RBIS: variants seen among roughly 807,000 people sequenced by gnomAD.
RBIS encodes ribosome biogenesis factor identified in screen.
In RBIS, 9 loss-of-function variants were observed where a neutral mutation model predicts 9.8. That is an observed-to-expected ratio of 0.92 (90% CI 0.56 to 1.61). The LOEUF is 1.61. Ranked by LOEUF, RBIS falls within the 40% of genes most tolerant of loss-of-function variation. The probability of loss-of-function intolerance (pLI) is 0.00; values close to 1 mark genes in which losing one functional copy is unlikely to be tolerated. For missense variants in RBIS, 103 were observed against 116.0 expected, an observed-to-expected ratio of 0.89 and a Z score of 0.51; for synonymous variants, 35 against 37.9, an observed-to-expected ratio of 0.92 and a Z score of 0.28.
At chr8:85,219,818 A>G (rs867286457) in intron 1 of RBIS, among the ~76,000 whole-genome samples, 1 of 152,302 alleles carries the variant, frequency 6.6e-6, no homozygotes, top group African/African-American at 2.4e-5. Flanking sequence ...ATCAATTGCT[A>G]TATGCCACGT....
Position 85,214,717 on chromosome 8 carries a change from T to C in RBIS, c.232-86A>G, listed in dbSNP as rs1813065883. On this transcript the variant is annotated intron_variant, in intron 3 of 3. Transcript: ENST00000619594. The stretch of plus-strand genomic sequence containing the variant: ...ATAAGCTGTTATTCAATTTAATTTT[T>C]CTAGTCATATCTTTGGAAGTAGAAC... The C allele has an allele frequency of 7.7e-6, 7 of 911,638 alleles. No individual in the cohort carries two copies. In the East Asian group the frequency reaches 1.7e-4, roughly 22 times the overall value. 56.5% of individuals were successfully genotyped at this position (911,638 alleles called of 1,614,324 possible).
Position 85,217,464 on chromosome 8 carries a change from C to G in RBIS, c.36G>C (p.Arg12Ser). 1 of 1,612,184 alleles carries G rather than the reference C, an allele frequency of 6.2e-7. No homozygotes were observed. The highest frequency in any genetic ancestry group is 1.1e-5 in the South Asian group (1 of 90,992). Reference sequence around the variant, plus strand: ...TTTGGCTGGCTATGTGAAATACATTCCTGGACTTCGGCCCTCTTAATTTGT... The same window carrying G: ...TTTGGCTGGCTATGTGAAATACATTGCTGGACTTCGGCCCTCTTAATTTGT... ...AKNKLRGPKSRNVFHIASQKN... is the reference protein window; with the variant it reads ...AKNKLRGPKSSNVFHIASQKN... Residue 12 changes from arginine to serine, a missense_variant, in exon 2 of 4, where the codon AGG becomes AGC. Transcript: ENST00000619594.
chr8:85,217,766 C>T (rs1235159935), intron 1 of RBIS: 1 of 467,724 alleles, frequency 2.1e-6, no homozygotes, highest in Admixed American at 3.7e-5. Context: ...GTTGAATTCA[C>T]TAATATCATC....
In RBIS at chr8:85,214,073, C is replaced by G. The variant is rs1048192141; in HGVS notation, c.*487G>C. ...TTTAGGGGATAAGTGATTTAATATC[C>G]ACAAACGTCCCCACTCCCAAAAGTA... On this transcript the variant is annotated 3_prime_UTR_variant, in exon 4 of 4. Coordinates refer to ENST00000619594, the MANE Select transcript of RBIS (RefSeq NM_001099673.3). 3 of 590,944 alleles carry G rather than the reference C, an allele frequency of 5.1e-6. No individual in the cohort carries two copies. The highest frequency in any genetic ancestry group is 9.2e-6 in the Non-Finnish European group (3 of 327,810). 36.6% of individuals were successfully genotyped at this position (590,944 alleles called of 1,614,324 possible).
rs553902115 is a variant in RBIS at position 85,216,670 on chromosome 8, C to T, written c.114+716G>A. 10 of 152,362 alleles carry T rather than the reference C, an allele frequency of 6.6e-5. No individual in the cohort carries two copies. The East Asian group carries it at 1.9e-3, about 29-fold the overall frequency. The allele number at this position is 152,362 out of a possible 1,614,324, so 9.4% of individuals were successfully genotyped here. ...TCATCCCCAAAACCCCCATCATCTG[C>T]TTAATTTCATTCTTAGCATTTATAA... On this transcript the variant is annotated intron_variant, in intron 2 of 3. Coordinates refer to ENST00000619594, the MANE Select transcript of RBIS (RefSeq NM_001099673.3).
Position 85,215,048 on chromosome 8 carries a change from G to T in RBIS, c.115-11C>A. 3 of 1,106,178 alleles carry T rather than the reference G, an allele frequency of 2.7e-6. No homozygotes were observed. In the South Asian group the frequency reaches 4.4e-5, roughly 16 times the overall value. The allele number at this position is 1,106,178 out of a possible 1,614,324, so 68.5% of individuals were successfully genotyped here. On this transcript the variant is annotated splice_polypyrimidine_tract_variant and intron_variant, in intron 2 of 3. Coordinates refer to ENST00000619594, the MANE Select transcript of RBIS (RefSeq NM_001099673.3). ...ATTCATAATGTTTATCTTTTAAAAA[G>T]AAAAAAAGCATTAATCTATGATCTC...
In RBIS at chr8:85,215,025, TCATA is replaced by T; in HGVS notation, c.123_126del (p.Asn43ArgfsTer7). On this transcript the variant is annotated frameshift_variant, in exon 3 of 4. Coordinates refer to ENST00000619594, the MANE Select transcript of RBIS (RefSeq NM_001099673.3). LOFTEE classifies it high-confidence loss of function. The stretch of plus-strand genomic sequence containing the variant: ...TTTACTCTGTTAACTTTTTCCTCAT[TCATA>T]ATGTTTATCTTTTAAAAAGAAAAAA... The T allele has an allele frequency of 7.3e-7, 1 of 1,374,782 alleles. No individual in the cohort carries two copies. Among genetic ancestry groups the T allele is most frequent in the South Asian group, 1.3e-5 (1 of 77,092 alleles). The allele number at this position is 1,374,782 out of a possible 1,614,324, so 85.2% of individuals were successfully genotyped here.
At chr8:85,214,880 A>G in intron 3 of RBIS, 41 bp downstream of exon 3, 1 of 1,095,916 alleles carries the variant, frequency 9.1e-7, no homozygotes. Flanking sequence ...TATTAGCCTC[A>G]ATTTGTTAGC....
Position 85,214,991 on chromosome 8 carries a change from A to G in RBIS, c.161T>C (p.Phe54Ser). The part of the protein sequence containing the change: ...EEKVNRVNKA[F>S]VNVQKELAHF... ...TGCAAGTTCCTTTTGTACATTTACAAAAGCTTTATTTACTCTGTTAACTTT... is the reference window on the plus strand; with the variant it reads ...TGCAAGTTCCTTTTGTACATTTACAGAAGCTTTATTTACTCTGTTAACTTT... Residue 54 changes from phenylalanine to serine, a missense_variant, in exon 3 of 4, where the codon TTT becomes TCT. Transcript: ENST00000619594. 6.3e-7 allele frequency: 1 copy of G among 1,581,232 alleles called. No homozygotes were observed. Among genetic ancestry groups the G allele is most frequent in the Non-Finnish European group, 8.6e-7 (1 of 1,158,348 alleles).
intron 2 of RBIS, among the ~76,000 whole-genome samples, chr8:85,216,547 C>A (rs549528788): frequency 1.3e-5 from 2 of 152,328 alleles, no homozygotes; most frequent in African/African-American, 4.8e-5. Context: ...CTCGAACCCA[C>A]CACTCCCAAC....
At chr8:85,219,620 G>A (rs1209319910) in intron 1 of RBIS, among the ~76,000 whole-genome samples, 1 of 151,962 alleles carries the variant, frequency 6.6e-6, no homozygotes, top group East Asian at 1.9e-4. Context: ...GCGTGGTGAC[G>A]CGCGCCTCTA....
intron 3 of RBIS, 120 bp from the exon 4 acceptor site, chr8:85,214,751 T>C: frequency 1.3e-6 from 1 of 795,866 alleles, no homozygotes; most frequent in Non-Finnish European, 2.1e-6. Flanking sequence ...ACAATCTGTA[T>C]ATTCTGACAA....
intron 2 of RBIS, 151 bp downstream of exon 2, chr8:85,217,234 TA>T: frequency 1.5e-6 from 1 of 669,574 alleles, no homozygotes; most frequent in Non-Finnish European, 2.7e-6. Context: ...CCTTTTTTTT[TA>T]TATTTTTTTA....
chr8:85,214,158 A>C lies in RBIS; in HGVS notation c.*402T>G, dbSNP rs1405892274. ...TGAATCCTTCTGTTTTTTCTTCTTA[A>C]GGAGGAAAGTTAAAGGACACTACAG... On this transcript the variant is annotated 3_prime_UTR_variant, in exon 4 of 4. Transcript: ENST00000619594. The C allele has an allele frequency of 1.1e-5, 6 of 537,920 alleles. No individual in the cohort carries two copies. The highest frequency in any genetic ancestry group is 3.1e-5 in the South Asian group (2 of 64,546). 33.3% of individuals were successfully genotyped at this position (537,920 alleles called of 1,614,324 possible). A position where few individuals can be genotyped will look rare whatever the true frequency, so the allele number is the denominator to read the frequency against.
At chr8:85,219,748 TA>T (rs1301120398) in intron 1 of RBIS, among the ~76,000 whole-genome samples, 1 of 151,242 alleles carries the variant, frequency 6.6e-6, no homozygotes, top group Non-Finnish European at 1.5e-5. Flanking sequence ...AATAAATAAA[TA>T]AAAATTAAAA....
At position 85,214,265 on chromosome 8, in the gene RBIS, C is replaced by G. The variant is rs977570772; in HGVS notation, c.*295G>C. 1 of 562,676 alleles carries G rather than the reference C, an allele frequency of 1.8e-6. No individual in the cohort carries two copies. 34.9% of individuals were successfully genotyped at this position (562,676 alleles called of 1,614,324 possible). A position where few individuals can be genotyped will look rare whatever the true frequency, so the allele number is the denominator to read the frequency against. On this transcript the variant is annotated 3_prime_UTR_variant, in exon 4 of 4. Coordinates refer to ENST00000619594, the MANE Select transcript of RBIS (RefSeq NM_001099673.3). The stretch of plus-strand genomic sequence containing the variant: ...CTAAACTGCCTGTATTTCTGTATGT[C>G]CTTCTATCCAAACAGACGTTCACTG...
At chr8:85,216,994 C>T (rs572529103) in intron 2 of RBIS, 25 of 287,028 alleles carry the variant, frequency 8.7e-5, no homozygotes, top group Middle Eastern at 9.8e-4. Flanking sequence ...TTCAAAGATA[C>T]AAGAATTACT....
chr8:85,215,042 T>A lies in RBIS; in HGVS notation c.115-5A>T. 8.3e-7 allele frequency: 1 copy of A among 1,205,562 alleles called. No individual in the cohort carries two copies. Among genetic ancestry groups the A allele is most frequent in the Non-Finnish European group, 1.2e-6 (1 of 844,578 alleles). The allele number at this position is 1,205,562 out of a possible 1,614,324, so 74.7% of individuals were successfully genotyped here. A position where few individuals can be genotyped will look rare whatever the true frequency, so the allele number is the denominator to read the frequency against. On this transcript the variant is annotated splice_polypyrimidine_tract_variant and splice_region_variant and intron_variant, in intron 2 of 3. Transcript: ENST00000619594. ...TTCCTCATTCATAATGTTTATCTTT[T>A]AAAAAGAAAAAAAGCATTAATCTAT... is the stretch of plus-strand genomic sequence containing the variant.
Position 85,217,446 on chromosome 8 carries a change from G to T in RBIS, c.54C>A (p.Ala18=). 6.2e-7 allele frequency: 1 copy of T among 1,612,628 alleles called. No homozygotes were observed. Among genetic ancestry groups the T allele is most frequent in the Non-Finnish European group, 8.5e-7 (1 of 1,179,614 alleles). The change falls in exon 2 of 4, where the codon GCC becomes GCA. Residue 18 remains alanine (A), a synonymous_variant. Coordinates refer to ENST00000619594, the MANE Select transcript of RBIS (RefSeq NM_001099673.3). ...TTTTAGCCTTAAAGTTTTTTTGGCT[G>T]GCTATGTGAAATACATTCCTGGACT... The part of the protein sequence containing the change: ...GPKSRNVFHI[A]SQKNFKAKNK...
Sources: gnomAD v4.1 joint callset for allele counts (sites outside exome capture counted in the v4.1 genomes callset) on GRCh38, gnomAD v4.1.1 for gene constraint, MANE v1.5 for transcripts, NCBI Gene and HGNC (gene_info 2026-07-23, HGNC 2026-07-21) for gene names.